Variants in CCDC169 observed in about 807,000 individuals in gnomAD.
CCDC169 encodes the protein coiled-coil domain containing 169.
In CCDC169, 30 loss-of-function variants were observed where a neutral mutation model predicts 36.0. That is an observed-to-expected ratio of 0.83 (90% confidence interval 0.62 to 1.13). CCDC169 has a LOEUF of 1.13. Ranked by LOEUF, CCDC169 falls within the 50% of genes most tolerant of loss-of-function variation. CCDC169 has a pLI of 0.00. For synonymous variants in CCDC169, 85 were observed against 81.5 expected, an observed-to-expected ratio of 1.04 and a Z score of -0.23; for missense variants, 245 against 245.9, an observed-to-expected ratio of 1.00 and a Z score of 0.03.
At chr13:36,278,129 C>T (rs1877068922) in intron 4 of CCDC169, among the ~76,000 whole-genome samples, 1 of 152,300 alleles carries the variant, frequency 6.6e-6, no homozygotes. Context: ...TCACAACAGA[C>T]TTGTTTTAAT....
chr13:36,294,576 G>A (rs1039754318), intron 2 of CCDC169, among the ~76,000 whole-genome samples: 65 of 152,226 alleles, frequency 4.3e-4, no homozygotes, highest in African/African-American at 1.4e-3. Flanking sequence ...GAGTATAAAT[G>A]TAGCAGGACG....
intron 7 of CCDC169, among the ~76,000 whole-genome samples, chr13:36,240,062 A>C (rs890211329): frequency 2.0e-5 from 3 of 152,174 alleles, no homozygotes; most frequent in Non-Finnish European, 4.4e-5. Flanking sequence ...CACAGGGTGC[A>C]GTACTATCCA....
intron 2 of CCDC169, among the ~76,000 whole-genome samples, chr13:36,284,742 CA>C (rs970174585): frequency 2.0e-5 from 3 of 152,256 alleles, no homozygotes. Flanking sequence ...GCTTCTTTTT[CA>C]ACTTTAAATG....
intron 7 of CCDC169, among the ~76,000 whole-genome samples, chr13:36,237,403 ACAAAATGGAATTAAC>A (rs1871219895): frequency 6.6e-6 from 1 of 152,146 alleles, no homozygotes; most frequent in South Asian, 2.1e-4. Context: ...AAAAAGATAA[ACAAAATGGAATTAAC>A]CCAGCAATTC....
chr13:36,249,347 C>T (rs1872866900), intron 6 of CCDC169, among the ~76,000 whole-genome samples: 1 of 152,132 alleles, frequency 6.6e-6, no homozygotes, highest in African/African-American at 2.4e-5. Flanking sequence ...CCAGGAAAAA[C>T]TACTATCATA....
chr13:36,289,843 C>T (rs981363980), intron 2 of CCDC169, among the ~76,000 whole-genome samples: 1 of 152,106 alleles, frequency 6.6e-6, no homozygotes, highest in African/African-American at 2.4e-5. Flanking sequence ...CTGTTTTAAT[C>T]AAATGTTTTG....
At chr13:36,280,031 C>T (rs911254932) in intron 4 of CCDC169, 2 of 151,970 alleles carry the variant, frequency 1.3e-5, no homozygotes, top group African/African-American at 4.8e-5. Flanking sequence ...AGGATATACA[C>T]ATATAATGAA....
chr13:36,277,704 G>A (rs1382803621), intron 4 of CCDC169, among the ~76,000 whole-genome samples: 6 of 152,092 alleles, frequency 3.9e-5, no homozygotes, highest in African/African-American at 9.7e-5. Context: ...GCTCACGCCT[G>A]TAATGGGAGG....
intron 7 of CCDC169, among the ~76,000 whole-genome samples, chr13:36,245,431 C>T (rs1300552787): frequency 6.6e-6 from 1 of 151,928 alleles, no homozygotes; most frequent in African/African-American, 2.4e-5. Context: ...TCCCAAGCAG[C>T]TGGGACTACA....
chr13:36,227,489 C>CAT, downstream of CCDC169: 1 of 1,114,242 alleles, frequency 9.0e-7, no homozygotes. Flanking sequence ...CACACACACA[C>CAT]ATATACACAA....
chr13:36,268,510 A>G (rs1042671631), intron 4 of CCDC169, among the ~76,000 whole-genome samples: 1 of 152,198 alleles, frequency 6.6e-6, no homozygotes, highest in Non-Finnish European at 1.5e-5. Context: ...AAAGGCCTGT[A>G]TCAAAAAAGG....
rs865777996 is a variant in CCDC169 at position 36,253,928 on chromosome 13, G to A, written c.415-72C>T. 3.9e-6 allele frequency: 6 copies of A among 1,540,104 alleles called. No individual in the cohort carries two copies. The Admixed American group carries it at 1.2e-4, about 32-fold the overall frequency. Reference sequence around the variant, plus strand: ...GCAATACTAGCAAGACTAAGTTAAGGTGTATGTCTCTATAGTGTAGGAAAT... The same window carrying A: ...GCAATACTAGCAAGACTAAGTTAAGATGTATGTCTCTATAGTGTAGGAAAT... On this transcript the variant is annotated intron_variant, in intron 5 of 7. Coordinates refer to ENST00000239859, the MANE Select transcript of CCDC169 (RefSeq NM_001144981.3).
At chr13:36,272,056 G>A (rs1277116743) in intron 4 of CCDC169, among the ~76,000 whole-genome samples, 2 of 148,110 alleles carry the variant, frequency 1.4e-5, no homozygotes, top group South Asian at 2.1e-4. Flanking sequence ...CTGCACTCGC[G>A]CCCGGGTGAC....
At chr13:36,283,562 T>C in intron 3 of CCDC169, 30 bp downstream of exon 3, 1 of 1,550,952 alleles carries the variant, frequency 6.4e-7, no homozygotes, top group Admixed American at 2.0e-5. Context: ...TAACTCAAAT[T>C]ATAAAATGTA....
chr13:36,258,557 T>A (rs1324464053), intron 4 of CCDC169, among the ~76,000 whole-genome samples: 1 of 152,182 alleles, frequency 6.6e-6, no homozygotes, highest in African/African-American at 2.4e-5. Context: ...TGTATTAGCA[T>A]ACTAAAAGAC....
chr13:36,297,578 G>A lies in CCDC169; in HGVS notation c.83+59C>T, dbSNP rs1022039186. 39 of 1,493,288 alleles carry A rather than the reference G, an allele frequency of 2.6e-5. No individual in the cohort carries two copies. In the East Asian group the frequency reaches 7.9e-4, roughly 30 times the overall value. The allele number at this position is 1,493,288 out of a possible 1,614,324, so 92.5% of individuals were successfully genotyped here. On this transcript the variant is annotated intron_variant, in intron 1 of 7. Coordinates refer to ENST00000239859, the MANE Select transcript of CCDC169 (RefSeq NM_001144981.3). ...TCAGCGGCTTCAGCCCTGAGACTCTGCAGGTGAAGGCTCGGGGGGTGTGGA... is the reference window on the plus strand; with the variant it reads ...TCAGCGGCTTCAGCCCTGAGACTCTACAGGTGAAGGCTCGGGGGGTGTGGA...
At chr13:36,297,534 C>A in intron 1 of CCDC169, 103 bp downstream of exon 1, 1 of 1,130,240 alleles carries the variant, frequency 8.8e-7, no homozygotes, top group East Asian at 2.6e-5. Flanking sequence ...TTAATCACGG[C>A]GCCGGTCTTA....
chr13:36,255,390 G>A (rs1013774484), intron 4 of CCDC169, among the ~76,000 whole-genome samples: 3 of 152,258 alleles, frequency 2.0e-5, no homozygotes, highest in East Asian at 1.9e-4. Flanking sequence ...GCTCCCTGGT[G>A]TGGTGGCTCA....
intron 4 of CCDC169, among the ~76,000 whole-genome samples, chr13:36,264,281 G>C (rs1226171093): frequency 6.6e-6 from 1 of 152,048 alleles, no homozygotes; most frequent in African/African-American, 2.4e-5. Context: ...AAAAGAAGTT[G>C]ATCAACATGG....
Sources: gnomAD v4.1 joint callset for allele counts (sites outside exome capture counted in the v4.1 genomes callset) on GRCh38, gnomAD v4.1.1 for gene constraint, MANE v1.5 for transcripts, NCBI Gene and HGNC (gene_info 2026-07-23, HGNC 2026-07-21) for gene names.